Variants in FAM186B observed in about 807,000 individuals in gnomAD.
FAM186B encodes the protein protein FAM186B.
Under a neutral mutation model 83.4 loss-of-function variants are expected in FAM186B, and 68 were observed. The ratio of observed to expected loss-of-function variants is 0.81; its 90% CI spans 0.67 to 1.00. The LOEUF (loss-of-function observed/expected upper bound fraction) is 1.00, where lower values mean the gene tolerates loss of function less well. Ranked by LOEUF, FAM186B falls within the 50% of genes least tolerant of loss-of-function variation. The pLI, the probability that FAM186B is intolerant of heterozygous loss-of-function variation, is 0.00. For synonymous variants in FAM186B, 389 were observed against 422.0 expected, an observed-to-expected ratio of 0.92 and a Z score of 0.96; for missense variants, 983 against 1,099.2, an observed-to-expected ratio of 0.89 and a Z score of 1.49.
At chr12:49,615,809 A>G in the FAM186B span, among the ~76,000 whole-genome samples, 1 of 152,156 alleles carries the variant, frequency 6.6e-6, no homozygotes, top group Admixed American at 6.6e-5. Context: ...AAAAAAAAGA[A>G]AATATACAAA....
At chr12:49,597,749 TTAAA>T (rs1488994692) in intron 5 of FAM186B, among the ~76,000 whole-genome samples, 1 of 152,198 alleles carries the variant, frequency 6.6e-6, no homozygotes, top group African/African-American at 2.4e-5. Flanking sequence ...ATAAAACATT[TTAAA>T]TAAATAATAA....
At chr12:49,608,516 C>CT (rs965819057), upstream of FAM186B, among the ~76,000 whole-genome samples, 2 of 150,302 alleles carry the variant, frequency 1.3e-5, no homozygotes, top group African/African-American at 4.9e-5. Flanking sequence ...AACCAAAAAC[C>CT]TTTTTTTTCC....
intron 1 of FAM186B, among the ~76,000 whole-genome samples, chr12:49,604,977 G>A (rs1342183172): frequency 1.3e-5 from 2 of 152,096 alleles, no homozygotes; most frequent in East Asian, 1.9e-4. Flanking sequence ...CTAGAGCCTC[G>A]TGTACAGGGT....
chr12:49,604,563 T>G (rs1265875792), intron 1 of FAM186B, 25 bp from the exon 2 acceptor site: 2 of 1,601,746 alleles, frequency 1.2e-6, no homozygotes, highest in South Asian at 2.2e-5. Context: ...CAGATTGTAG[T>G]GTTAGGGCTG....
At chr12:49,622,718 C>T in the FAM186B span, 1 of 152,294 alleles carries the variant, frequency 6.6e-6, no homozygotes, top group African/African-American at 2.4e-5. Flanking sequence ...CACGGCATCA[C>T]GCGAGTCCCG....
chr12:49,589,674 A>G (rs1939536076), intron 5 of FAM186B, among the ~76,000 whole-genome samples: 1 of 152,070 alleles, frequency 6.6e-6, no homozygotes, highest in Non-Finnish European at 1.5e-5. Flanking sequence ...TTAAATCTAT[A>G]TCTATATATC....
chr12:49,606,085 C>G (rs909910546), upstream of FAM186B, among the ~76,000 whole-genome samples: 6 of 151,864 alleles, frequency 4.0e-5, no homozygotes, highest in African/African-American at 1.5e-4. Flanking sequence ...TTAAAAATTA[C>G]TAAATGTTAT....
intron 5 of FAM186B, among the ~76,000 whole-genome samples, chr12:49,592,718 G>T (rs1238412943): frequency 6.6e-6 from 1 of 152,128 alleles, no homozygotes; most frequent in Non-Finnish European, 1.5e-5. Flanking sequence ...TCCAGGAGGC[G>T]GAGGTTATGG....
chr12:49,609,512 C>T (rs1353447812), upstream of FAM186B, among the ~76,000 whole-genome samples: 1 of 152,168 alleles, frequency 6.6e-6, no homozygotes, highest in Non-Finnish European at 1.5e-5. Flanking sequence ...CCCTATCCAC[C>T]CCATGCCCAG....
upstream of FAM186B, among the ~76,000 whole-genome samples, chr12:49,608,617 C>G (rs990464192): frequency 1.3e-5 from 2 of 151,142 alleles, no homozygotes; most frequent in African/African-American, 4.9e-5. Context: ...GGCTTTAATT[C>G]AAGAAAGAAA....
At chr12:49,604,139 A>G (rs1939957242) in intron 2 of FAM186B, 174 bp downstream of exon 2, 2 of 594,928 alleles carry the variant, frequency 3.4e-6, no homozygotes, top group East Asian at 2.8e-5. Context: ...TAATGTCATG[A>G]TCTGTGATGT....
At chr12:49,614,203 A>G in the FAM186B span, among the ~76,000 whole-genome samples, 1 of 152,156 alleles carries the variant, frequency 6.6e-6, no homozygotes, top group East Asian at 1.9e-4. Context: ...CATTCAACCC[A>G]GCAATCCCAT....
At chr12:49,616,315 C>G in the FAM186B span, among the ~76,000 whole-genome samples, 4 of 152,332 alleles carry the variant, frequency 2.6e-5, no homozygotes, top group African/African-American at 9.6e-5. Flanking sequence ...CAGGCGTGAG[C>G]CACCGCACCC....
At chr12:49,596,875 G>A (rs1939739175) in intron 5 of FAM186B, among the ~76,000 whole-genome samples, 3 of 152,180 alleles carry the variant, frequency 2.0e-5, no homozygotes, top group African/African-American at 4.8e-5. Context: ...GGAAACAACC[G>A]AGGTGCCCAT....
chr12:49,618,566 A>C, the FAM186B span, among the ~76,000 whole-genome samples: 5 of 152,150 alleles, frequency 3.3e-5, no homozygotes, highest in African/African-American at 1.2e-4. Context: ...AAAATGACAG[A>C]ACTATCAGTA....
rs200164589 is a variant in FAM186B at position 49,598,716 on chromosome 12, G to C, written c.2364+39C>G. 2.2e-4 allele frequency: 340 copies of C among 1,574,072 alleles called. No homozygotes were observed. The African/African-American group carries it at 4.2e-3, about 19-fold the overall frequency. On this transcript the variant is annotated intron_variant, in intron 5 of 6. Transcript: ENST00000257894. ...AAGCCGACTGGCTGTGCTGACCCCA[G>C]GAGGCGGAGTGGCGGGGGGGTCAGG...
the FAM186B span, among the ~76,000 whole-genome samples, chr12:49,610,762 C>A: frequency 6.7e-6 from 1 of 149,930 alleles, no homozygotes; most frequent in Non-Finnish European, 1.5e-5. Flanking sequence ...TGCACTCCAG[C>A]CTGGGCGACA....
At chr12:49,587,870 G>T in intron 6 of FAM186B, 118 bp from the exon 7 acceptor site, 2 of 1,117,520 alleles carry the variant, frequency 1.8e-6, no homozygotes, top group Non-Finnish European at 2.5e-6. Context: ...CAAATCGAGT[G>T]TGTCACTGCC....
chr12:49,588,503 G>T lies in FAM186B; in HGVS notation c.2485C>A (p.Gln829Lys), dbSNP rs1272234168. Reference sequence around the variant, plus strand: ...GCCCGGTGCCTAGACAGAAAGGGCTGCTTGTAGGTGGGGCCACTGGGGCGG... The same window carrying T: ...GCCCGGTGCCTAGACAGAAAGGGCTTCTTGTAGGTGGGGCCACTGGGGCGG... ...HIRPSGPTYK[Q>K]PFLSRHRACV... Residue 829 changes from glutamine (Q) to lysine (K), a missense_variant, in exon 6 of 7, where the codon CAG (glutamine) becomes AAG (lysine). By Grantham distance (53) the Gln-to-Lys change is moderately conservative. Coordinates refer to ENST00000257894, the MANE Select transcript of FAM186B (RefSeq NM_032130.3). 6.2e-7 allele frequency: 1 copy of T among 1,613,596 alleles called. No homozygotes were observed. Among genetic ancestry groups the T allele is most frequent in the South Asian group, 1.1e-5 (1 of 90,954 alleles).
Sources: gnomAD v4.1 joint callset for allele counts (sites outside exome capture counted in the v4.1 genomes callset) on GRCh38, gnomAD v4.1.1 for gene constraint, MANE v1.5 for transcripts, NCBI Gene and HGNC (gene_info 2026-07-23, HGNC 2026-07-21) for gene names.